ZNF777: variants seen among roughly 807,000 people sequenced by gnomAD.
The protein encoded by ZNF777 is zinc finger protein 777.
ZNF777 carries 7 observed loss-of-function variants against 72.1 expected under a neutral mutation model. The observed-to-expected ratio is 0.10, with a 90% CI of 0.06 to 0.18. The LOEUF is 0.18. Among genes scored for constraint, ZNF777 ranks in the 10% least tolerant of loss-of-function variants. The probability of loss-of-function intolerance (pLI) is 1.00; values close to 1 mark genes in which losing one functional copy is unlikely to be tolerated. For missense variants in ZNF777, 828 were observed against 1,128.6 expected (o/e 0.73, Z 3.82); for synonymous variants, 545 against 483.5 (o/e 1.13, Z -1.67).
chr7:149,437,799 C>CTTTTTTTTTTTTT lies in ZNF777; in HGVS notation c.1088-974_1088-973insAAAAAAAAAAAAA, dbSNP rs796721387. Among the ~76,000 whole-genome samples, 28 of 115,652 alleles carry CTTTTTTTTTTTTT rather than the reference C, an allele frequency of 2.4e-4. 1 individual carries two copies. The highest frequency in any genetic ancestry group is 7.8e-4 in the East Asian group (2 of 2,574). The allele number at this position is 115,652 out of a possible 152,430, so 75.9% of individuals were successfully genotyped here. ...CACATACACATTTATATGTTTGTTTCTTTTTCTTTTTTTTTTTTTTTTGTC... is the reference window on the plus strand; with the variant it reads ...CACATACACATTTATATGTTTGTTTCTTTTTTTTTTTTTTTTTTCTTTTTTTTTTTTTTTTGTC... On this transcript the variant is annotated intron_variant, in intron 4 of 5. Transcript: ENST00000247930.
At chr7:149,441,415 C>G (rs1046399901) in intron 4 of ZNF777, among the ~76,000 whole-genome samples, 3 of 152,190 alleles carry the variant, frequency 2.0e-5, no homozygotes, top group African/African-American at 7.2e-5. Context: ...AGTTTTACAA[C>G]TTTAAGCTGA....
At chr7:149,456,761 A>G (rs750533265) in intron 1 of ZNF777, among the ~76,000 whole-genome samples, 10 of 152,314 alleles carry the variant, frequency 6.6e-5, no homozygotes, top group Admixed American at 5.2e-4. Flanking sequence ...TTACTCTTTG[A>G]TAACAGTTGC....
chr7:149,455,043 G>GC lies in ZNF777; in HGVS notation c.846+133dup. 9.1e-7 allele frequency: 1 copy of GC among 1,101,430 alleles called. No homozygotes were observed. The highest frequency in any genetic ancestry group is 1.3e-6 in the Non-Finnish European group (1 of 767,744). The allele number at this position is 1,101,430 out of a possible 1,614,324, so 68.2% of individuals were successfully genotyped here. On this transcript the variant is annotated intron_variant, in intron 2 of 5. Transcript: ENST00000247930. The surrounding 1 kb of genome is among the most constrained non-coding windows in gnomAD (Gnocchi z 4.2). ...CAACAGGAGAAATAATTTGATTTTG[G>GC]CATGTCCTAGCAACTGGGATCACTG... is the stretch of plus-strand genomic sequence containing the variant.
intron 5 of ZNF777, among the ~76,000 whole-genome samples, chr7:149,433,368 G>A (rs1017294360): frequency 1.3e-5 from 2 of 152,290 alleles, no homozygotes; most frequent in East Asian, 1.9e-4. Flanking sequence ...TTATATGAGC[G>A]ATACACACCC....
Position 149,436,456 on chromosome 7 carries a change from C to T in ZNF777, c.1339+119G>A. ...GCCGTGCTTGGTAATTCTTTCCCACCTGTTGCCCCATCAGTGTCCAGCTAC... is the reference window on the plus strand; with the variant it reads ...GCCGTGCTTGGTAATTCTTTCCCACTTGTTGCCCCATCAGTGTCCAGCTAC... On this transcript the variant is annotated intron_variant, in intron 5 of 5. Coordinates refer to ENST00000247930, the MANE Select transcript of ZNF777 (RefSeq NM_015694.3). This position sits in a 1 kb window ranked among gnomAD's most constrained non-coding sequence, Gnocchi z 5.0. The T allele has an allele frequency of 8.1e-7, 1 of 1,229,964 alleles. No individual in the cohort carries two copies. Among genetic ancestry groups the T allele is most frequent in the Non-Finnish European group, 1.1e-6 (1 of 889,038 alleles). 76.2% of individuals were successfully genotyped at this position (1,229,964 alleles called of 1,614,324 possible).
chr7:149,432,776 C>T lies in ZNF777; in HGVS notation c.1496G>A (p.Gly499Asp), dbSNP rs1451359848. The T allele has an allele frequency of 2.5e-6, 4 of 1,609,386 alleles. No individual in the cohort carries two copies. The highest frequency in any genetic ancestry group is 3.4e-6 in the Non-Finnish European group (4 of 1,176,640). ...CTGCAGGGGCGGGGGGCTCTCCTCG[C>T]CCTCGGGGGACATCTCCCCGGGCAG... ...TPLPGEMSPEGEESPPPLQLG... is the reference protein window; with the variant it reads ...TPLPGEMSPEDEESPPPLQLG... The change falls in exon 6 of 6, where the codon GGC (glycine) becomes GAC (aspartate). Residue 499 changes from glycine (G) to aspartate (D), a missense_variant. Physicochemically the swap from Gly to Asp is moderately conservative, Grantham distance 94 (BLOSUM62 -1). Coordinates refer to ENST00000247930, the MANE Select transcript of ZNF777 (RefSeq NM_015694.3).
At chr7:149,433,740 C>G (rs1439619976) in intron 5 of ZNF777, among the ~76,000 whole-genome samples, 1 of 152,256 alleles carries the variant, frequency 6.6e-6, no homozygotes, top group Non-Finnish European at 1.5e-5. Context: ...ACCCTTGAAT[C>G]TGGATCAGGT....
At chr7:149,459,798 G>T in intron 1 of ZNF777, 2 of 984,846 alleles carry the variant, frequency 2.0e-6, no homozygotes, top group Non-Finnish European at 2.4e-6. Flanking sequence ...TGCGGAAAAC[G>T]TGCCGGCGGC....
Position 149,455,704 on chromosome 7 carries a change from G to A in ZNF777, c.319C>T (p.Pro107Ser), listed in dbSNP as rs750363196. ...LASQEGTQYP[P>S]PAAAEQEVSL... ...ACTTCTTGTTCAGCAGCAGCTGGGGGTGGATACTGGGTCCCTTCCTGGGAA... is the reference window on the plus strand; with the variant it reads ...ACTTCTTGTTCAGCAGCAGCTGGGGATGGATACTGGGTCCCTTCCTGGGAA... The change falls in exon 2 of 6, where the codon CCC (proline) becomes TCC (serine). Residue 107 changes from proline to serine, a missense_variant. Physicochemically the swap from Pro to Ser is moderately conservative, Grantham distance 74. This residue lies in a region of ZNF777 where 222 missense variants were observed against 211.2 expected (regional missense o/e 1.05). Coordinates refer to ENST00000247930, the MANE Select transcript of ZNF777 (RefSeq NM_015694.3). This position sits in a 1 kb window ranked among gnomAD's most constrained non-coding sequence, Gnocchi z 4.2. The A allele has an allele frequency of 3.2e-6, 5 of 1,573,340 alleles. No homozygotes were observed. In the Admixed American group the frequency reaches 7.4e-5, roughly 23 times the overall value.
In ZNF777 at chr7:149,432,372, T is replaced by C; in HGVS notation, c.1900A>G (p.Lys634Glu). Residue 634 changes from lysine to glutamate, a missense_variant, in exon 6 of 6, where the codon AAG becomes GAG. By Grantham distance (56) the Lys-to-Glu change is moderately conservative. Around this residue, in one of 12 missense-constraint regions of ZNF777, gnomAD observed 100 missense variants for 106.2 expected, o/e 0.94. Coordinates refer to ENST00000247930, the MANE Select transcript of ZNF777 (RefSeq NM_015694.3). ...PSSGSGGGGP[K>E]PYKCPECDSS... ...TCGCACTCGGGGCACTTGTAGGGCTTAGGGCCACCGCCGCCGCTACCAGAG... is the reference window on the plus strand; with the variant it reads ...TCGCACTCGGGGCACTTGTAGGGCTCAGGGCCACCGCCGCCGCTACCAGAG... 3 of 1,612,862 alleles carry C rather than the reference T, an allele frequency of 1.9e-6. No individual in the cohort carries two copies. Among genetic ancestry groups the C allele is most frequent in the Non-Finnish European group, 2.5e-6 (3 of 1,179,954 alleles).
chr7:149,440,303 G>A (rs1275751131), intron 4 of ZNF777, among the ~76,000 whole-genome samples: 1 of 152,208 alleles, frequency 6.6e-6, no homozygotes, highest in Non-Finnish European at 1.5e-5. Context: ...TGACCTGGGG[G>A]CTTTATGCCT....
chr7:149,457,585 T>C lies in ZNF777; in HGVS notation c.-15-1548A>G, dbSNP rs140673601. 4.3e-4 allele frequency among the ~76,000 whole-genome samples: 66 copies of C among 152,364 alleles called. No homozygotes were observed. The East Asian group carries it at 7.5e-3, about 17-fold the overall frequency. ...AATTCCATATCTTCTACAGCTTTTT[T>C]CTTTTATTGGTTCATTTATAGGTGA... On this transcript the variant is annotated intron_variant, in intron 1 of 5. Coordinates refer to ENST00000247930, the MANE Select transcript of ZNF777 (RefSeq NM_015694.3).
Position 149,455,899 on chromosome 7 carries a change from C to G in ZNF777, c.124G>C (p.Glu42Gln). 6.2e-7 allele frequency: 1 copy of G among 1,613,362 alleles called. No homozygotes were observed. Among genetic ancestry groups the G allele is most frequent in the Admixed American group, 1.7e-5 (1 of 59,926 alleles). ...ATGGTGGGAGACAAAGAAGGAATTT[C>G]TTTGGGAGGAAGAACGCGGGATTGG... ...LFQSRVLPPKEIPSLSPTIPR... is the reference protein window; with the variant it reads ...LFQSRVLPPKQIPSLSPTIPR... The change falls in exon 2 of 6, where the codon GAA becomes CAA. Residue 42 changes from glutamate to glutamine, a missense_variant. Physicochemically the swap from Glu to Gln is conservative, Grantham distance 29. This residue lies in a region of ZNF777 where 222 missense variants were observed against 211.2 expected (regional missense o/e 1.05). Transcript: ENST00000247930. This position sits in a 1 kb window ranked among gnomAD's most constrained non-coding sequence, Gnocchi z 4.2.
intron 4 of ZNF777, among the ~76,000 whole-genome samples, chr7:149,442,356 G>A (rs552747626): frequency 2.0e-5 from 3 of 151,338 alleles, no homozygotes; most frequent in African/African-American, 4.9e-5. Context: ...GGTGGCTCAC[G>A]CCTGTAATCC....
At position 149,455,942 on chromosome 7, in the gene ZNF777, G is replaced by T; in HGVS notation, c.81C>A (p.Leu27=). The change falls in exon 2 of 6, where the codon CTC becomes CTA. Residue 27 remains leucine, a synonymous_variant. Coordinates refer to ENST00000247930, the MANE Select transcript of ZNF777 (RefSeq NM_015694.3). The surrounding 1 kb of genome is among the most constrained non-coding windows in gnomAD (Gnocchi z 4.2). ...EETLRQAPAG[L]PRETLFQSRV... ...GGGATTGGAACAGAGTTTCTCGGGG[G>T]AGTCCAGCAGGGGCCTGACGTAAGG... 6.2e-7 allele frequency: 1 copy of T among 1,613,684 alleles called. No homozygotes were observed. Among genetic ancestry groups the T allele is most frequent in the Non-Finnish European group, 8.5e-7 (1 of 1,179,928 alleles).
In ZNF777 at chr7:149,455,112, A is replaced by G. The variant is rs1799799118; in HGVS notation, c.846+65T>C. 10 of 1,528,332 alleles carry G rather than the reference A, an allele frequency of 6.5e-6. No individual in the cohort carries two copies. The highest frequency in any genetic ancestry group is 8.8e-6 in the Non-Finnish European group (10 of 1,139,550). The allele number at this position is 1,528,332 out of a possible 1,614,324, so 94.7% of individuals were successfully genotyped here. On this transcript the variant is annotated intron_variant, in intron 2 of 5. Transcript: ENST00000247930. The surrounding 1 kb of genome is among the most constrained non-coding windows in gnomAD (Gnocchi z 4.2). ...CCACCCCTTTCTTTCATATTACACT[A>G]CATTCCTAAACCACACTCCAATTCA...
intron 5 of ZNF777, among the ~76,000 whole-genome samples, chr7:149,433,558 C>T (rs1166898368): frequency 6.6e-6 from 1 of 152,218 alleles, no homozygotes; most frequent in Non-Finnish European, 1.5e-5. Flanking sequence ...TCCTCACCTT[C>T]CTCCAGAAAT....
intron 5 of ZNF777, among the ~76,000 whole-genome samples, chr7:149,435,814 G>A (rs1046459804): frequency 6.6e-6 from 1 of 152,076 alleles, no homozygotes; most frequent in Non-Finnish European, 1.5e-5. Flanking sequence ...GATATGTCCA[G>A]TATAATACTG....
chr7:149,447,476 C>T (rs1292736449), intron 4 of ZNF777, among the ~76,000 whole-genome samples: 3 of 152,194 alleles, frequency 2.0e-5, no homozygotes, highest in African/African-American at 7.2e-5. Flanking sequence ...TCTACTCTTA[C>T]TTAAGCCAGA....
Sources: allele counts gnomAD v4.1 joint callset (sites outside exome capture counted in the v4.1 genomes callset), GRCh38; gene constraint gnomAD v4.1.1; regional missense constraint gnomAD v4.1.1; non-coding constraint Gnocchi (gnomAD v3.1); transcripts MANE v1.5; gene names NCBI Gene and HGNC (gene_info 2026-07-23, HGNC 2026-07-21).